The following BLTP2 variants were observed in gnomAD, a reference collection of about 807,000 sequenced individuals.
The protein encoded by BLTP2 is bridge-like lipid transfer protein family member 2, also known as U937-associated antigen.
At chr17:28,644,279 G>A in the BLTP2 span, 4 of 1,411,940 alleles carry the variant, frequency 2.8e-6, no homozygotes, top group East Asian at 2.3e-5. Flanking sequence ...GCAAAAGGTC[G>A]TTCCTGAAAC....
the BLTP2 span, chr17:28,633,284 T>G: frequency 1.9e-6 from 3 of 1,611,882 alleles, no homozygotes; most frequent in Non-Finnish European, 1.7e-6. Context: ...TCCACTCACT[T>G]AGAGGCTGTT....
chr17:28,638,632 G>A, the BLTP2 span: 1 of 1,604,106 alleles, frequency 6.2e-7, no homozygotes, highest in Non-Finnish European at 8.5e-7. Flanking sequence ...GCCAGGATTT[G>A]GGGGAAGGTT....
the BLTP2 span, chr17:28,640,106 A>G: frequency 6.5e-7 from 1 of 1,527,902 alleles, no homozygotes; most frequent in South Asian, 1.2e-5. Context: ...AAAAGTAATT[A>G]TTTTTTGGCC....
At chr17:28,619,420 C>A in the BLTP2 span, among the ~76,000 whole-genome samples, 1 of 151,924 alleles carries the variant, frequency 6.6e-6, no homozygotes, top group African/African-American at 2.4e-5. Context: ...TGCTTGAGCC[C>A]GGGAGTTCCA....
At chr17:28,642,543 C>G in the BLTP2 span, 231 of 579,224 alleles carry the variant, frequency 4.0e-4, no homozygotes, top group African/African-American at 4.0e-3. Flanking sequence ...CCCAGCTACT[C>G]GGGAGGCTGA....
chr17:28,633,386 TTG>T, the BLTP2 span: 1 of 1,613,386 alleles, frequency 6.2e-7, no homozygotes, highest in Non-Finnish European at 8.5e-7. Flanking sequence ...ATATTTTCAG[TTG>T]TGTTGTATGG....
the BLTP2 span, chr17:28,620,058 C>G: frequency 1.3e-6 from 2 of 1,561,758 alleles, no homozygotes; most frequent in Admixed American, 1.8e-5. Context: ...TTTAAGTAGA[C>G]AAGTCTTGTA....
the BLTP2 span, chr17:28,639,855 C>G: frequency 6.2e-7 from 1 of 1,608,660 alleles, no homozygotes; most frequent in Admixed American, 1.7e-5. Flanking sequence ...AAGAGAGTAT[C>G]TAGTCCTCCC....
the BLTP2 span, chr17:28,624,230 TACCTGACAGTTG>T: frequency 6.2e-7 from 1 of 1,613,626 alleles, no homozygotes; most frequent in Non-Finnish European, 8.5e-7. Flanking sequence ...AAAGAGAAGG[TACCTGACAGTTG>T]ACCAATTCAA....
At chr17:28,615,210 CT>C in the BLTP2 span, 1 of 1,613,786 alleles carries the variant, frequency 6.2e-7, no homozygotes, top group Admixed American at 1.7e-5. Flanking sequence ...ACCTCAGAGC[CT>C]GTTGCAGACT....
the BLTP2 span, chr17:28,637,800 T>G: frequency 2.2e-5 from 35 of 1,593,776 alleles, no homozygotes; most frequent in South Asian, 3.8e-4. Flanking sequence ...GTCTCCCAAG[T>G]AGCACACTTC....
chr17:28,633,295 C>T, the BLTP2 span: 2 of 1,613,592 alleles, frequency 1.2e-6, no homozygotes, highest in Non-Finnish European at 1.7e-6. Context: ...AGAGGCTGTT[C>T]TCACGTTGAT....
At chr17:28,645,153 G>T in the BLTP2 span, 1 of 1,008,082 alleles carries the variant, frequency 9.9e-7, no homozygotes, top group Non-Finnish European at 1.3e-6. Context: ...CCAGCTGCGC[G>T]CGCAGGAGCA....
At chr17:28,626,748 G>A in the BLTP2 span, among the ~76,000 whole-genome samples, 1 of 152,356 alleles carries the variant, frequency 6.6e-6, no homozygotes, top group East Asian at 1.9e-4. Flanking sequence ...CCTGCCTGGG[G>A]AGGGCACAGA....
the BLTP2 span, among the ~76,000 whole-genome samples, chr17:28,630,731 G>A: frequency 2.0e-5 from 3 of 151,398 alleles, no homozygotes; most frequent in South Asian, 2.1e-4. Flanking sequence ...TGATCCATCC[G>A]CCTTGGCCTC....
At chr17:28,624,445 TC>T in the BLTP2 span, 3 of 1,535,250 alleles carry the variant, frequency 2.0e-6, no homozygotes, top group African/African-American at 4.1e-5. Flanking sequence ...GAAAGACTTT[TC>T]CCTTTCCAGA....
chr17:28,639,060 G>C, the BLTP2 span: 3 of 516,580 alleles, frequency 5.8e-6, no homozygotes, highest in Non-Finnish European at 1.0e-5. Context: ...TATCATTTAA[G>C]TTCAGTTCAA....
At chr17:28,642,176 ACC>A in the BLTP2 span, 3 of 1,570,784 alleles carry the variant, frequency 1.9e-6, no homozygotes, top group Non-Finnish European at 2.6e-6. Flanking sequence ...ACTTGAGGGA[ACC>A]CCCTAAGGTC....
chr17:28,615,241 G>T, the BLTP2 span: 2 of 1,604,272 alleles, frequency 1.2e-6, no homozygotes, highest in Non-Finnish European at 1.7e-6. Context: ...GCTTCTCTTT[G>T]ATTACCTGGC....
Sources: gnomAD v4.1 joint callset for allele counts (sites outside exome capture counted in the v4.1 genomes callset) on GRCh38, gnomAD v4.1.1 for gene constraint, MANE v1.5 for transcripts, NCBI Gene and HGNC (gene_info 2026-07-23, HGNC 2026-07-21) for gene names.